The following TDRD1 variants were observed in gnomAD, a reference collection of about 807,000 sequenced individuals.
TDRD1 encodes the protein tudor domain containing 1.
A neutral mutation model predicts 140.6 loss-of-function variants in TDRD1; 37 were observed. The observed-to-expected ratio is 0.26, with a 90% CI of 0.20 to 0.35. The LOEUF is 0.35. TDRD1 is among the 10% of genes least tolerant of loss of function. The probability of loss-of-function intolerance (pLI) is 1.00; values close to 1 mark genes in which losing one functional copy is unlikely to be tolerated. For synonymous variants in TDRD1, 506 were observed against 475.7 expected (o/e 1.06, Z -0.83); for missense variants, 1,243 against 1,393.0 (o/e 0.89, Z 1.71).
At chr10:114,197,931 C>T (rs531850433) in intron 3 of TDRD1, among the ~76,000 whole-genome samples, 4 of 152,320 alleles carry the variant, frequency 2.6e-5, no homozygotes, top group South Asian at 4.1e-4. Context: ...GCCGGGATTA[C>T]AGGCGTGAGC....
chr10:114,175,455 A>C (rs2032672796), upstream of TDRD1, among the ~76,000 whole-genome samples: 1 of 152,228 alleles, frequency 6.6e-6, no homozygotes, highest in Non-Finnish European at 1.5e-5. Context: ...TACAAATATC[A>C]GAATTAACTC....
At chr10:114,206,715 GT>G (rs1307134553) in intron 11 of TDRD1, among the ~76,000 whole-genome samples, 1 of 148,982 alleles carries the variant, frequency 6.7e-6, no homozygotes, top group Admixed American at 6.9e-5. Flanking sequence ...CCTGGTTCAA[GT>G]GATTCTCCTA....
chr10:114,226,774 C>G (rs2036463325), intron 22 of TDRD1, among the ~76,000 whole-genome samples: 1 of 152,198 alleles, frequency 6.6e-6, no homozygotes. Context: ...TCATGGTCCT[C>G]TTAGGTTTTG....
chr10:114,213,371 G>A lies in TDRD1; in HGVS notation c.1857G>A (p.Trp619Ter). Residue 619 changes from tryptophan to a stop codon, truncating the protein, a stop_gained, in exon 15 of 26, where the codon TGG (tryptophan) becomes TGA (stop). Coordinates refer to ENST00000251864, the Ensembl canonical transcript of TDRD1. LOFTEE classifies it high-confidence loss of function. ...GAGTAAAGCCATCATTAGGAATTTG[G>A]ACTCCAGAAGCTATTTGTCTCATGA... The A allele has an allele frequency of 6.2e-7, 1 of 1,612,780 alleles. No individual in the cohort carries two copies. The highest frequency in any genetic ancestry group is 8.5e-7 in the Non-Finnish European group (1 of 1,179,090).
upstream of TDRD1, among the ~76,000 whole-genome samples, chr10:114,177,999 AT>A (rs917641439): frequency 2.7e-4 from 40 of 150,128 alleles, no homozygotes; most frequent in African/African-American, 8.8e-4. Context: ...CACCCAGCTA[AT>A]TTTTTTTTAT....
At chr10:114,182,777 T>C (rs1043016927) in intron 1 of TDRD1, among the ~76,000 whole-genome samples, 6 of 151,862 alleles carry the variant, frequency 4.0e-5, no homozygotes, top group African/African-American at 1.5e-4. Flanking sequence ...GCTCGCCTCC[T>C]GGGTTCATGC....
At chr10:114,227,264 A>G in exon 23 of TDRD1, 1 of 1,614,034 alleles carries the variant, frequency 6.2e-7, no homozygotes, top group South Asian at 1.1e-5. Context: ...CTGGCAAAAA[A>G]CATCACACCT....
Position 114,190,954 on chromosome 10 carries a change from T to TC in TDRD1, c.326-3dup, listed in dbSNP as rs777224315. 4.3e-6 allele frequency: 7 copies of TC among 1,613,614 alleles called. No individual in the cohort carries two copies. In the Admixed American group the frequency reaches 6.7e-5, roughly 15 times the overall value. On this transcript the variant is annotated splice_polypyrimidine_tract_variant and splice_region_variant and intron_variant, in intron 2 of 25. Transcript: ENST00000251864. ...CTTTTATTTGAAATTGTGTTTTTCC[T>TC]CCCCAGGAAACTCAGTGTCACCACC...
At chr10:114,200,942 G>C (rs1453187800) in intron 4 of TDRD1, among the ~76,000 whole-genome samples, 1 of 139,082 alleles carries the variant, frequency 7.2e-6, no homozygotes, top group Non-Finnish European at 1.5e-5. Flanking sequence ...TGCAACCTCT[G>C]CCTCCCGGGT....
rs1439115749 is a variant in TDRD1, at chr10:114,225,936, A to G, written c.3008-113A>G. 1.1e-5 allele frequency: 10 copies of G among 870,032 alleles called. No individual in the cohort carries two copies. In the African/African-American group the frequency reaches 1.2e-4, roughly 10 times the overall value. 53.9% of individuals were successfully genotyped at this position (870,032 alleles called of 1,614,324 possible). ...CTTGTATTTAATTTGAACTGTAACCAGAAATTTTGGCATGGATTTTTAAGT... is the reference window on the plus strand; with the variant it reads ...CTTGTATTTAATTTGAACTGTAACCGGAAATTTTGGCATGGATTTTTAAGT... On this transcript the variant is annotated intron_variant, in intron 21 of 25. Coordinates refer to ENST00000251864, the Ensembl canonical transcript of TDRD1.
exon 19 of TDRD1, chr10:114,220,739 T>C: frequency 6.2e-7 from 1 of 1,610,132 alleles, no homozygotes; most frequent in Admixed American, 1.7e-5. Context: ...GATGTTCTGA[T>C]TGATGAACAT....
At chr10:114,201,301 A>G in intron 4 of TDRD1, 109 bp from the exon 5 acceptor site, 1 of 843,438 alleles carries the variant, frequency 1.2e-6, no homozygotes, top group African/African-American at 1.7e-5. Flanking sequence ...ACCTGATCCT[A>G]AATAGCACAA....
At chr10:114,219,690 C>T (rs886148578) in intron 18 of TDRD1, among the ~76,000 whole-genome samples, 5 of 151,246 alleles carry the variant, frequency 3.3e-5, no homozygotes, top group Admixed American at 6.6e-5. Context: ...CAGATTCAAG[C>T]GATTCTCCTA....
At chr10:114,208,371 G>A (rs1409681186) in intron 11 of TDRD1, among the ~76,000 whole-genome samples, 1 of 152,136 alleles carries the variant, frequency 6.6e-6, no homozygotes, top group Non-Finnish European at 1.5e-5. Flanking sequence ...ATGAGATATG[G>A]TATATTAAGA....
chr10:114,175,694 C>A (rs1389691454), upstream of TDRD1, among the ~76,000 whole-genome samples: 1 of 152,090 alleles, frequency 6.6e-6, no homozygotes, highest in Non-Finnish European at 1.5e-5. Flanking sequence ...GGAAGAAAAG[C>A]AAAGATAACA....
At chr10:114,178,670 G>A (rs1214025475), upstream of TDRD1, among the ~76,000 whole-genome samples, 2 of 152,134 alleles carry the variant, frequency 1.3e-5, no homozygotes, top group Admixed American at 6.5e-5. Context: ...CACAGTGAGG[G>A]AGGACTATGC....
At chr10:114,176,565 A>C (rs113461735), upstream of TDRD1, among the ~76,000 whole-genome samples, 205 of 152,344 alleles carry the variant, frequency 1.3e-3, 2 homozygotes, top group African/African-American at 4.7e-3. This position sits in a 1 kb window ranked among gnomAD's most constrained non-coding sequence, Gnocchi z 4.2. Context: ...ATCTCTAAAA[A>C]GAAAATTAAA....
At chr10:114,195,091 A>G (rs959442654) in intron 3 of TDRD1, among the ~76,000 whole-genome samples, 1 of 151,976 alleles carries the variant, frequency 6.6e-6, no homozygotes, top group African/African-American at 2.4e-5. Context: ...TTGAAACTTC[A>G]TCTTTAACTC....
chr10:114,187,933 G>A (rs1429066138), exon 2 of TDRD1: 3 of 1,613,728 alleles, frequency 1.9e-6, no homozygotes, highest in Middle Eastern at 3.3e-4. Context: ...ATGAAAACAA[G>A]CTTCCACCAC....
Sources: allele counts gnomAD v4.1 joint callset (sites outside exome capture counted in the v4.1 genomes callset), GRCh38; gene constraint gnomAD v4.1.1; non-coding constraint Gnocchi (gnomAD v3.1); transcripts MANE v1.5; gene names NCBI Gene and HGNC (gene_info 2026-07-23, HGNC 2026-07-21).